Variants in WDTC1 observed in about 807,000 individuals in gnomAD.
The protein encoded by WDTC1 is WD and tetratricopeptide repeats 1.
Under a neutral mutation model 76.0 loss-of-function variants are expected in WDTC1, and 12 were observed. The observed-to-expected ratio is 0.16, with a 90% confidence interval of 0.10 to 0.26. The LOEUF (loss-of-function observed/expected upper bound fraction) is 0.26, where lower values mean the gene tolerates loss of function less well. WDTC1 is among the 10% of genes least tolerant of loss of function. WDTC1 has a pLI of 1.00. For synonymous variants in WDTC1, 326 were observed against 350.8 expected, an observed-to-expected ratio of 0.93 and a Z score of 0.79; for missense variants, 511 against 908.8, an observed-to-expected ratio of 0.56 and a Z score of 5.63.
At chr1:27,245,370 A>G (rs777619554) in intron 1 of WDTC1, among the ~76,000 whole-genome samples, 1 of 151,660 alleles carries the variant, frequency 6.6e-6, no homozygotes, top group Non-Finnish European at 1.5e-5. Context: ...CACTCCTGGA[A>G]GACCAGTGGG....
chr1:27,254,443 A>T (rs1228180646), intron 1 of WDTC1, among the ~76,000 whole-genome samples: 1 of 152,130 alleles, frequency 6.6e-6, no homozygotes, highest in Non-Finnish European at 1.5e-5. Context: ...CAAAAAATAC[A>T]TAAAAAATAG....
intron 3 of WDTC1, among the ~76,000 whole-genome samples, chr1:27,269,164 CAAAAAAAAAAAA>C (rs34447091): frequency 1.0e-4 from 6 of 58,848 alleles, no homozygotes; most frequent in East Asian, 6.6e-4. Context: ...CCTGTTTCTC[CAAAAAAAAAAAA>C]AAAAAAAAAA....
intron 6 of WDTC1, 62 bp downstream of exon 6, chr1:27,287,923 T>A: frequency 6.5e-7 from 1 of 1,543,322 alleles, no homozygotes; most frequent in Non-Finnish European, 8.8e-7. Context: ...CTATAGTGTT[T>A]CCTTCTACAG....
chr1:27,293,118 G>A (rs191172428), intron 7 of WDTC1, among the ~76,000 whole-genome samples: 154 of 151,306 alleles, frequency 1.0e-3, no homozygotes, highest in African/African-American at 3.6e-3. Context: ...CTTAATCCTC[G>A]CTTATGTTGG....
chr1:27,259,348 G>C lies in WDTC1; in HGVS notation c.-99-1608G>C, dbSNP rs537142086. ...CTTTTTTTTTTTTTTTTTTTTTTTT[G>C]GTATAGATAAGGTCTCACTTTGCTG... On this transcript the variant is annotated intron_variant, in intron 1 of 15. Transcript: ENST00000319394. Among the ~76,000 whole-genome samples the C allele has an allele frequency of 1.6e-3, 125 of 79,794 alleles. 1 individual carries two copies. Among genetic ancestry groups the C allele is most frequent in the African/African-American group, 6.5e-3 (121 of 18,604 alleles). 52.3% of individuals were successfully genotyped at this position (79,794 alleles called of 152,430 possible). A position where few individuals can be genotyped will look rare whatever the true frequency, so the allele number is the denominator to read the frequency against.
At chr1:27,304,927 A>T in intron 14 of WDTC1, 74 bp from the exon 15 acceptor site, 1 of 1,449,288 alleles carries the variant, frequency 6.9e-7, no homozygotes. Context: ...CCCTTTACCT[A>T]GGCCATGCAG....
At position 27,306,124 on chromosome 1, in the gene WDTC1, C is replaced by T. The variant is rs1024435277; in HGVS notation, c.1837-62C>T. 27 of 1,582,402 alleles carry T rather than the reference C, an allele frequency of 1.7e-5. No individual in the cohort carries two copies. Among genetic ancestry groups the T allele is most frequent in the African/African-American group, 2.7e-5 (2 of 74,276 alleles). Reference sequence around the variant, plus strand: ...TGTATTTCCCTCCCCCTCCCCTATACGTGTACCCTGGTGCCTCTCCCTCCC... The same window carrying T: ...TGTATTTCCCTCCCCCTCCCCTATATGTGTACCCTGGTGCCTCTCCCTCCC... On this transcript the variant is annotated intron_variant, in intron 15 of 15. Coordinates refer to ENST00000319394, the MANE Select transcript of WDTC1 (RefSeq NM_001276252.2). This position sits in a 1 kb window ranked among gnomAD's most constrained non-coding sequence, Gnocchi z 5.0.
intron 1 of WDTC1, among the ~76,000 whole-genome samples, chr1:27,244,701 C>T (rs113021605): frequency 2.0e-5 from 3 of 152,164 alleles, no homozygotes; most frequent in Non-Finnish European, 4.4e-5. Flanking sequence ...GTCCTTGCTT[C>T]GTTGCATCTT....
intron 1 of WDTC1, among the ~76,000 whole-genome samples, chr1:27,239,952 G>A (rs921720493): frequency 6.6e-6 from 1 of 150,792 alleles, no homozygotes; most frequent in Admixed American, 6.6e-5. Flanking sequence ...GAGTGCACAC[G>A]ATCTCTGCTC....
chr1:27,289,733 G>C lies in WDTC1; in HGVS notation c.479+1872G>C, dbSNP rs576299963. On this transcript the variant is annotated intron_variant, in intron 6 of 15. Coordinates refer to ENST00000319394, the MANE Select transcript of WDTC1 (RefSeq NM_001276252.2). ...TGAACGAGACTCCGTCTGCAATCCC[G>C]GCACCTCGGGAGGCCGAGGCTGGCG... 2.6e-5 allele frequency among the ~76,000 whole-genome samples: 4 copies of C among 152,198 alleles called. No homozygotes were observed. In the East Asian group the frequency reaches 5.8e-4, roughly 22 times the overall value.
At chr1:27,235,437 T>TCC (rs1000009528) in intron 1 of WDTC1, among the ~76,000 whole-genome samples, 6 of 136,944 alleles carry the variant, frequency 4.4e-5, no homozygotes, top group African/African-American at 1.4e-4. Flanking sequence ...TGTGTGTGTG[T>TCC]CCACAGCAGA....
chr1:27,302,148 T>C (rs1373512520), intron 13 of WDTC1, among the ~76,000 whole-genome samples: 1 of 152,164 alleles, frequency 6.6e-6, no homozygotes, highest in Non-Finnish European at 1.5e-5. Flanking sequence ...ACGTGATAAA[T>C]TAATTTGTTT....
In WDTC1 at chr1:27,298,121, C is replaced by A; in HGVS notation, c.1232+10C>A. On this transcript the variant is annotated intron_variant, in intron 12 of 15. Coordinates refer to ENST00000319394, the MANE Select transcript of WDTC1 (RefSeq NM_001276252.2). ...ACATGAAGCGCAAGTGGTGAGTGGCCACTGCAGAGGGGATCTGGGTCAGGA... is the reference window on the plus strand; with the variant it reads ...ACATGAAGCGCAAGTGGTGAGTGGCAACTGCAGAGGGGATCTGGGTCAGGA... The A allele has an allele frequency of 6.3e-7, 1 of 1,595,664 alleles. No homozygotes were observed. Among genetic ancestry groups the A allele is most frequent in the South Asian group, 1.1e-5 (1 of 89,526 alleles).
In WDTC1 at chr1:27,306,338, T is replaced by C. The variant is rs375778556; in HGVS notation, c.1989T>C (p.Asp663=). ...GCAGTGGGGGTGCCGGGGCCTCTGATGATGAGGACAGCTCTGAGGGCCAGG... is the reference window on the plus strand; with the variant it reads ...GCAGTGGGGGTGCCGGGGCCTCTGACGATGAGGACAGCTCTGAGGGCCAGG... ...GLSSGGAGAS[D]DEDSSEGQVQ... The change falls in exon 16 of 16, where the codon GAT becomes GAC. Residue 663 remains aspartate, a synonymous_variant. Transcript: ENST00000319394. This position sits in a 1 kb window ranked among gnomAD's most constrained non-coding sequence, Gnocchi z 5.0. 1.6e-5 allele frequency: 26 copies of C among 1,613,702 alleles called. No individual in the cohort carries two copies. Among genetic ancestry groups the C allele is most frequent in the Middle Eastern group, 1.6e-4 (1 of 6,078 alleles).
At position 27,301,999 on chromosome 1, in the gene WDTC1, G is replaced by A. The variant is rs1393114917; in HGVS notation, c.1468+538G>A. ...CAGCCTCTCTACCTACCTGCACAAA[G>A]AGCACGAAGCCCTGCCCAGCTCCCC... is the stretch of plus-strand genomic sequence containing the variant. On this transcript the variant is annotated intron_variant, in intron 13 of 15. Coordinates refer to ENST00000319394, the MANE Select transcript of WDTC1 (RefSeq NM_001276252.2). The surrounding 1 kb of genome is among the most constrained non-coding windows in gnomAD (Gnocchi z 5.8). 6.6e-6 allele frequency among the ~76,000 whole-genome samples: 1 copy of A among 152,184 alleles called. No individual in the cohort carries two copies. The highest frequency in any genetic ancestry group is 1.5e-5 in the Non-Finnish European group (1 of 68,036).
At chr1:27,293,313 T>C (rs2013590435) in intron 7 of WDTC1, among the ~76,000 whole-genome samples, 1 of 150,822 alleles carries the variant, frequency 6.6e-6, no homozygotes, top group Admixed American at 6.6e-5. Context: ...GTGCCTGTAG[T>C]CCCAGCTACT....
rs371447306 is a variant in WDTC1 at position 27,301,265 on chromosome 1, G to A, written c.1272G>A (p.Lys424=). Residue 424 remains lysine (K), a synonymous_variant, in exon 13 of 16, where the codon AAG becomes AAA. Coordinates refer to ENST00000319394, the MANE Select transcript of WDTC1 (RefSeq NM_001276252.2). This position sits in a 1 kb window ranked among gnomAD's most constrained non-coding sequence, Gnocchi z 5.8. The part of the protein sequence containing the change: ...DHYDALRDCL[K]AISLNPCHLK... ...ATGATGCCCTGAGGGACTGCCTCAA[G>A]GCCATCTCCCTAAACCCATGCCACC... 7.4e-6 allele frequency: 12 copies of A among 1,614,018 alleles called. No homozygotes were observed. Among genetic ancestry groups the A allele is most frequent in the African/African-American group, 1.3e-5 (1 of 74,926 alleles).
chr1:27,299,757 G>A (rs1256310006), intron 12 of WDTC1, among the ~76,000 whole-genome samples: 7 of 152,090 alleles, frequency 4.6e-5, no homozygotes, highest in African/African-American at 7.2e-5. Context: ...GGGATGTGCC[G>A]AGGGCTGTCC....
chr1:27,241,163 T>C (rs1344018655), intron 1 of WDTC1, among the ~76,000 whole-genome samples: 3 of 152,082 alleles, frequency 2.0e-5, no homozygotes, highest in Non-Finnish European at 4.4e-5. Context: ...AGGTCACAAC[T>C]GCTAGAGCTG....
Sources: gnomAD v4.1 joint callset for allele counts (sites outside exome capture counted in the v4.1 genomes callset) on GRCh38, gnomAD v4.1.1 for gene constraint, Gnocchi (gnomAD v3.1) non-coding constraint, MANE v1.5 for transcripts, NCBI Gene and HGNC (gene_info 2026-07-23, HGNC 2026-07-21) for gene names.